CHST11: variants seen among roughly 807,000 people sequenced by gnomAD.
CHST11 encodes the protein C4S-1.
Under a neutral mutation model 30.4 loss-of-function variants are expected in CHST11, and 9 were observed. That is an observed-to-expected ratio of 0.30 (90% confidence interval 0.18 to 0.52). The LOEUF (loss-of-function observed/expected upper bound fraction) is 0.52, where lower values mean the gene tolerates loss of function less well. Among genes scored for constraint, CHST11 ranks in the 20% least tolerant of loss-of-function variants. The pLI, the probability that CHST11 is intolerant of heterozygous loss-of-function variation, is 0.97. For synonymous variants in CHST11, 152 were observed against 187.8 expected, an observed-to-expected ratio of 0.81 and a Z score of 1.56; for missense variants, 348 against 460.6, an observed-to-expected ratio of 0.76 and a Z score of 2.24.
chr12:104,713,994 A>G (rs1314731483), intron 2 of CHST11, among the ~76,000 whole-genome samples: 4 of 152,134 alleles, frequency 2.6e-5, no homozygotes, highest in African/African-American at 9.7e-5. Context: ...CCTCCCTGCC[A>G]CCTGTCATGT....
At chr12:104,527,213 C>G (rs1660900160) in intron 1 of CHST11, among the ~76,000 whole-genome samples, 1 of 152,166 alleles carries the variant, frequency 6.6e-6, no homozygotes, top group Non-Finnish European at 1.5e-5. Context: ...GGCACAGAAA[C>G]CAGACCTGAC....
chr12:104,715,105 C>T (rs907008766), intron 2 of CHST11, among the ~76,000 whole-genome samples: 3 of 152,230 alleles, frequency 2.0e-5, no homozygotes, highest in Admixed American at 6.5e-5. Context: ...TGGCTCACGC[C>T]TGTAATCCCA....
intron 1 of CHST11, among the ~76,000 whole-genome samples, chr12:104,538,568 C>A (rs2038259669): frequency 6.6e-6 from 1 of 152,138 alleles, no homozygotes; most frequent in Non-Finnish European, 1.5e-5. Context: ...TTGAACTTTG[C>A]CCATCCATAC....
At position 104,477,317 on chromosome 12, in the gene CHST11, A is replaced by G. The variant is rs578175996; in HGVS notation, c.118+19788A>G. Among the ~76,000 whole-genome samples the G allele has an allele frequency of 1.6e-3, 239 of 152,302 alleles. 1 individual carries two copies. The highest frequency in any genetic ancestry group is 5.7e-3 in the African/African-American group (235 of 41,568). On this transcript the variant is annotated intron_variant, in intron 1 of 2. Transcript: ENST00000303694. ...GTAATTAACTTAAAGTAACCCAGCT[A>G]GTAGTTGGTGGAGCTCGGATGCCCT...
intron 1 of CHST11, among the ~76,000 whole-genome samples, chr12:104,476,247 CATAT>C (rs2037561405): frequency 1.3e-5 from 2 of 148,206 alleles, no homozygotes; most frequent in Admixed American, 1.4e-4. Context: ...ATATGTTACA[CATAT>C]ATGTAATATA....
At chr12:104,751,472 G>A (rs2040431194) in intron 2 of CHST11, among the ~76,000 whole-genome samples, 1 of 152,198 alleles carries the variant, frequency 6.6e-6, no homozygotes, top group Non-Finnish European at 1.5e-5. Context: ...CATCGGCTAA[G>A]AAGTCATGAA....
intron 2 of CHST11, among the ~76,000 whole-genome samples, chr12:104,643,688 A>G (rs2039399493): frequency 6.6e-6 from 1 of 151,874 alleles, no homozygotes; most frequent in Non-Finnish European, 1.5e-5. Flanking sequence ...TTGTTGTTGC[A>G]CTTGAGGAGT....
chr12:104,524,662 C>G (rs2038107091), intron 1 of CHST11, among the ~76,000 whole-genome samples: 1 of 152,032 alleles, frequency 6.6e-6, no homozygotes. Flanking sequence ...ATCCATCCAT[C>G]CATCCATCCA....
At chr12:104,481,880 C>T (rs2037626806) in intron 1 of CHST11, among the ~76,000 whole-genome samples, 1 of 148,504 alleles carries the variant, frequency 6.7e-6, no homozygotes, top group Non-Finnish European at 1.5e-5. Flanking sequence ...TCTTGTTGCC[C>T]AGGCTGGAGT....
chr12:104,611,559 G>A (rs1354713743), intron 2 of CHST11, among the ~76,000 whole-genome samples: 1 of 152,246 alleles, frequency 6.6e-6, no homozygotes, highest in African/African-American at 2.4e-5. Context: ...AAGGTACCCA[G>A]TGGATGTTTG....
At chr12:104,659,663 T>C (rs972058657) in intron 2 of CHST11, among the ~76,000 whole-genome samples, 5 of 152,200 alleles carry the variant, frequency 3.3e-5, no homozygotes, top group Non-Finnish European at 7.3e-5. Context: ...TAAATAAAGA[T>C]ATATTATTAA....
At chr12:104,612,648 G>A (rs1347941444) in intron 2 of CHST11, among the ~76,000 whole-genome samples, 2 of 152,120 alleles carry the variant, frequency 1.3e-5, no homozygotes, top group African/African-American at 4.8e-5. Flanking sequence ...TAGATGCTAC[G>A]GCTTTTGAGA....
intron 2 of CHST11, among the ~76,000 whole-genome samples, chr12:104,653,720 T>G (rs546082432): frequency 2.0e-5 from 3 of 152,304 alleles, no homozygotes; most frequent in East Asian, 1.9e-4. Context: ...CAACCCTATA[T>G]GCAGAAACCT....
chr12:104,470,752 TAGAG>T (rs2037501137), intron 1 of CHST11, among the ~76,000 whole-genome samples: 1 of 152,190 alleles, frequency 6.6e-6, no homozygotes, highest in Non-Finnish European at 1.5e-5. Flanking sequence ...AACTGAGGCT[TAGAG>T]AGGTGAAGGA....
chr12:104,647,159 A>G (rs1264903124), intron 2 of CHST11, among the ~76,000 whole-genome samples: 1 of 152,212 alleles, frequency 6.6e-6, no homozygotes, highest in Non-Finnish European at 1.5e-5. Flanking sequence ...CTGCAAGTGG[A>G]GGCTCCTGAA....
chr12:104,566,505 C>T (rs1300806337), intron 1 of CHST11, among the ~76,000 whole-genome samples: 1 of 152,170 alleles, frequency 6.6e-6, no homozygotes, highest in African/African-American at 2.4e-5. Context: ...CCTCCATCCC[C>T]ACAGGTCCTG....
intron 1 of CHST11, among the ~76,000 whole-genome samples, chr12:104,578,137 C>T (rs904437096): frequency 2.0e-5 from 3 of 152,090 alleles, no homozygotes; most frequent in Non-Finnish European, 2.9e-5. Context: ...AGACTAAATC[C>T]CCCCTTATTT....
At chr12:104,727,553 G>T (rs963840754) in intron 2 of CHST11, among the ~76,000 whole-genome samples, 3 of 152,228 alleles carry the variant, frequency 2.0e-5, no homozygotes, top group Admixed American at 2.0e-4. Context: ...TGGTAGAGTG[G>T]AGATGATAAG....
At chr12:104,536,102 G>C (rs2038235277) in intron 1 of CHST11, among the ~76,000 whole-genome samples, 1 of 152,178 alleles carries the variant, frequency 6.6e-6, no homozygotes, top group South Asian at 2.1e-4. Flanking sequence ...AATACAGACA[G>C]CAAAGCAGGA....
Sources: gnomAD v4.1 joint callset for allele counts (sites outside exome capture counted in the v4.1 genomes callset) on GRCh38, gnomAD v4.1.1 for gene constraint, MANE v1.5 for transcripts, NCBI Gene and HGNC (gene_info 2026-07-23, HGNC 2026-07-21) for gene names.